The following JMY variants were observed in gnomAD, a reference collection of about 807,000 sequenced individuals.
JMY encodes junction-mediating and -regulatory protein.
In JMY, 46 loss-of-function variants were observed where a neutral mutation model predicts 103.3. That is an observed-to-expected ratio of 0.45 (90% CI 0.35 to 0.57). The LOEUF (loss-of-function observed/expected upper bound fraction) is 0.57, where lower values mean the gene tolerates loss of function less well. Among genes scored for constraint, JMY ranks in the 20% least tolerant of loss-of-function variants. The probability of loss-of-function intolerance (pLI) is 0.00; values close to 1 mark genes in which losing one functional copy is unlikely to be tolerated. For missense variants in JMY, 1,238 were observed against 1,255.2 expected, an observed-to-expected ratio of 0.99 and a Z score of 0.21; for synonymous variants, 526 against 489.3, an observed-to-expected ratio of 1.07 and a Z score of -0.99.
At chr5:79,259,241 G>A (rs1302975078) in intron 1 of JMY, among the ~76,000 whole-genome samples, 1 of 152,096 alleles carries the variant, frequency 6.6e-6, no homozygotes. Flanking sequence ...CTATCTGGTC[G>A]TCTCTTCAGC....
intron 10 of JMY, among the ~76,000 whole-genome samples, chr5:79,318,784 AGAGAGAGAGAGAGAGAGAGG>A (rs199834243): frequency 0.23 from 30,840 of 134,222 alleles, 3,494 homozygotes; most frequent in African/African-American, 0.3. Context: ...AGAGAGAGAG[AGAGAGAGAGAGAGAGAGAGG>A]GATGCATATC....
intron 1 of JMY, among the ~76,000 whole-genome samples, chr5:79,256,720 T>C (rs1745254716): frequency 1.3e-5 from 2 of 152,166 alleles, no homozygotes; most frequent in Admixed American, 6.5e-5. Flanking sequence ...CTTTCTTTTC[T>C]GCACCTGTTC....
intron 1 of JMY, among the ~76,000 whole-genome samples, chr5:79,266,323 C>G (rs1329054989): frequency 6.6e-6 from 1 of 152,224 alleles, no homozygotes; most frequent in African/African-American, 2.4e-5. Context: ...GGTAGAATCA[C>G]AGAAATATTT....
chr5:79,319,958 G>A (rs1747394772), intron 10 of JMY, among the ~76,000 whole-genome samples: 1 of 152,122 alleles, frequency 6.6e-6, no homozygotes, highest in Admixed American at 6.6e-5. Flanking sequence ...TCATAAAGTA[G>A]GTAATGAAGG....
chr5:79,279,873 CG>C lies in JMY; in HGVS notation c.1206+1791del, dbSNP rs1332201101. Among the ~76,000 whole-genome samples the C allele has an allele frequency of 1.3e-5, 2 of 151,898 alleles. 1 individual carries two copies. Among genetic ancestry groups the C allele is most frequent in the Non-Finnish European group, 2.9e-5 (2 of 67,982 alleles). On this transcript the variant is annotated intron_variant, in intron 2 of 10. Transcript: ENST00000396137. ...GTTTTGTTTTGTTTTTTTGAGACAG[CG>C]TCTTTGTCACCTGGGCTGGAGTACA...
At chr5:79,272,176 C>A (rs1385591999) in intron 1 of JMY, among the ~76,000 whole-genome samples, 5 of 150,372 alleles carry the variant, frequency 3.3e-5, no homozygotes, top group Non-Finnish European at 5.9e-5. Context: ...TACAGTCTAT[C>A]TACTCTTTGA....
intron 2 of JMY, among the ~76,000 whole-genome samples, chr5:79,285,558 T>G (rs1381534956): frequency 3.0e-5 from 2 of 67,472 alleles, no homozygotes; most frequent in Non-Finnish European, 5.4e-5. Flanking sequence ...TGAGTTTCGA[T>G]TTCTCTCTTT....
chr5:79,309,101 C>T (rs776390692), intron 7 of JMY, among the ~76,000 whole-genome samples: 31 of 151,976 alleles, frequency 2.0e-4, no homozygotes, highest in Non-Finnish European at 4.1e-4. Flanking sequence ...TTCAGATTTT[C>T]TACATCTGTC....
At chr5:79,318,221 G>A (rs1747304994) in intron 10 of JMY, among the ~76,000 whole-genome samples, 1 of 150,410 alleles carries the variant, frequency 6.6e-6, no homozygotes, top group African/African-American at 2.5e-5. Flanking sequence ...CACCATCTTG[G>A]CCAGGCTGGT....
intron 2 of JMY, among the ~76,000 whole-genome samples, chr5:79,288,345 GT>G (rs1326725001): frequency 2.6e-5 from 4 of 152,064 alleles, no homozygotes; most frequent in African/African-American, 9.7e-5. Context: ...TGCCTTTTCA[GT>G]GGTTTTTCTC....
chr5:79,300,935 T>A, intron 6 of JMY, 72 bp downstream of exon 6: 1 of 1,279,290 alleles, frequency 7.8e-7, no homozygotes, highest in Non-Finnish European at 1.1e-6. Context: ...GTTTTGTCTT[T>A]AAAACTTGCT....
Position 79,300,188 on chromosome 5 carries a change from A to G in JMY, c.1563A>G (p.Ala521=), listed in dbSNP as rs1335526449. 6.2e-7 allele frequency: 1 copy of G among 1,613,564 alleles called. No homozygotes were observed. The highest frequency in any genetic ancestry group is 8.5e-7 in the Non-Finnish European group (1 of 1,179,764). ...QSLRGGTEAI[A]RLDQLEADYY... The stretch of plus-strand genomic sequence containing the variant: ...TGCGGGGTGGTACAGAAGCGATAGC[A>G]CGATTGGATCAGTTAGAAGCTGATT... The change falls in exon 5 of 11, where the codon GCA becomes GCG. Residue 521 remains alanine (A), a synonymous_variant. Transcript: ENST00000396137.
chr5:79,246,435 C>T (rs962927139), intron 1 of JMY, among the ~76,000 whole-genome samples: 8 of 152,138 alleles, frequency 5.3e-5, no homozygotes, highest in Admixed American at 6.5e-5. Flanking sequence ...TCAGTTCACA[C>T]GTAGATTAGA....
rs576175396 is a variant in JMY, at chr5:79,299,234, A to C, written c.1528-919A>C. ...CTAAGCATGAACCTTTAAACTACCA[A>C]AGCAGTGGTGCTATGTTCTTGGAAG... On this transcript the variant is annotated intron_variant, in intron 4 of 10. Coordinates refer to ENST00000396137, the MANE Select transcript of JMY (RefSeq NM_152405.5). Among the ~76,000 whole-genome samples, 5 of 152,136 alleles carry C rather than the reference A, an allele frequency of 3.3e-5. No individual in the cohort carries two copies. The East Asian group carries it at 9.7e-4, about 29-fold the overall frequency.
Position 79,236,933 on chromosome 5 carries a change from T to C in JMY, c.283T>C (p.Ser95Pro). 1.4e-6 allele frequency: 2 copies of C among 1,411,578 alleles called. No homozygotes were observed. Among genetic ancestry groups the C allele is most frequent in the Non-Finnish European group, 1.8e-6 (2 of 1,086,990 alleles). The allele number at this position is 1,411,578 out of a possible 1,614,324, so 87.4% of individuals were successfully genotyped here. The stretch of plus-strand genomic sequence containing the variant: ...CAGGGGTCGGCCCGAGGCCACTGCC[T>C]CTGCAACTCTGGTTAGGAGCCCCGG... ...AGRGRPEATA[S>P]ATLVRSPGPR... The change falls in exon 1 of 11, where the codon TCT becomes CCT. Residue 95 changes from serine to proline, a missense_variant. Transcript: ENST00000396137.
At position 79,311,822 on chromosome 5, in the gene JMY, C is replaced by T. The variant is rs189847100; in HGVS notation, c.1969-581C>T. On this transcript the variant is annotated intron_variant, in intron 7 of 10. Transcript: ENST00000396137. ...GGTTGTTGATTTGATTGCTTTTGTT[C>T]GTTTGTTTTTTTGAGACAGAGTCCC... is the stretch of plus-strand genomic sequence containing the variant. Among the ~76,000 whole-genome samples the T allele has an allele frequency of 7.4e-4, 112 of 152,018 alleles. 2 individuals carry two copies. Among genetic ancestry groups the T allele is most frequent in the African/African-American group, 2.6e-3 (109 of 41,472 alleles).
intron 1 of JMY, among the ~76,000 whole-genome samples, chr5:79,248,959 C>T (rs763897417): frequency 6.6e-6 from 1 of 152,128 alleles, no homozygotes; most frequent in African/African-American, 2.4e-5. Flanking sequence ...GAAGAGGTCT[C>T]ACTGTGTCAC....
At chr5:79,244,521 T>C (rs2112044609) in intron 1 of JMY, among the ~76,000 whole-genome samples, 1 of 152,330 alleles carries the variant, frequency 6.6e-6, no homozygotes, top group South Asian at 2.1e-4. Context: ...CACATGTAAT[T>C]TTAATCGATC....
At chr5:79,265,148 T>A (rs966773798) in intron 1 of JMY, among the ~76,000 whole-genome samples, 1 of 152,088 alleles carries the variant, frequency 6.6e-6, no homozygotes, top group African/African-American at 2.4e-5. Context: ...ATGGTCTTGA[T>A]CTCCTGACCT....
Sources: gnomAD v4.1 joint callset for allele counts (sites outside exome capture counted in the v4.1 genomes callset) on GRCh38, gnomAD v4.1.1 for gene constraint, MANE v1.5 for transcripts, NCBI Gene and HGNC (gene_info 2026-07-23, HGNC 2026-07-21) for gene names.